TENM3: variants seen among roughly 807,000 people sequenced by gnomAD.
TENM3 encodes the protein teneurin transmembrane protein 3, also known as teneurin-3.
Under a neutral mutation model 255.1 loss-of-function variants are expected in TENM3, and 63 were observed. That is an observed-to-expected ratio of 0.25 (90% CI 0.20 to 0.30). The LOEUF (loss-of-function observed/expected upper bound fraction) is 0.30, where lower values mean the gene tolerates loss of function less well. Ranked by LOEUF, TENM3 falls within the 10% of genes least tolerant of loss-of-function variation. TENM3 has a pLI of 1.00. For missense variants in TENM3, 2,929 were observed against 3,461.1 expected, an observed-to-expected ratio of 0.85 and a Z score of 3.86; for synonymous variants, 1,306 against 1,322.3, an observed-to-expected ratio of 0.99 and a Z score of 0.27.
chr4:182,764,029 G>GAT (rs1256914215), intron 22 of TENM3, among the ~76,000 whole-genome samples: 1 of 152,224 alleles, frequency 6.6e-6, no homozygotes, highest in Non-Finnish European at 1.5e-5. Context: ...CACAAGCATA[G>GAT]GTAATCCCAT....
At chr4:182,361,513 G>A (rs1221164632) in intron 3 of TENM3, among the ~76,000 whole-genome samples, 14 of 151,948 alleles carry the variant, frequency 9.2e-5, no homozygotes, top group East Asian at 5.8e-4. Flanking sequence ...TGATCGCATC[G>A]GCTCCTGAGG....
At chr4:182,759,655 CT>C (rs1340934176) in intron 22 of TENM3, among the ~76,000 whole-genome samples, 1 of 152,142 alleles carries the variant, frequency 6.6e-6, no homozygotes, top group African/African-American at 2.4e-5. Context: ...ACACAGAAAA[CT>C]TTTCCCATGC....
chr4:182,747,329 CAG>C (rs1762077127), intron 19 of TENM3, among the ~76,000 whole-genome samples: 2 of 152,220 alleles, frequency 1.3e-5, no homozygotes, highest in South Asian at 4.2e-4. Context: ...TTTTAAAATT[CAG>C]AGAGTGTTCT....
the TENM3 span, among the ~76,000 whole-genome samples, chr4:181,700,684 G>A: frequency 6.6e-6 from 1 of 152,004 alleles, no homozygotes; most frequent in South Asian, 2.1e-4. Flanking sequence ...GCCATCTTTG[G>A]TCACACAAAA....
At chr4:182,094,255 T>A in the TENM3 span, among the ~76,000 whole-genome samples, 1 of 152,104 alleles carries the variant, frequency 6.6e-6, no homozygotes. Context: ...CTTTACTTTT[T>A]TTTTTTTTGA....
At chr4:181,530,576 G>A in the TENM3 span, among the ~76,000 whole-genome samples, 2 of 152,202 alleles carry the variant, frequency 1.3e-5, no homozygotes, top group African/African-American at 2.4e-5. Context: ...ATTGCTAACA[G>A]TCGTAGAATT....
chr4:181,587,992 G>T, the TENM3 span, among the ~76,000 whole-genome samples: 4 of 152,218 alleles, frequency 2.6e-5, no homozygotes, highest in South Asian at 4.1e-4. Flanking sequence ...CGTTGATTGT[G>T]GGGGGCAGGA....
At chr4:182,397,131 A>T (rs1768881140) in intron 3 of TENM3, among the ~76,000 whole-genome samples, 1 of 151,940 alleles carries the variant, frequency 6.6e-6, no homozygotes, top group African/African-American at 2.4e-5. Context: ...TAACTGTGTA[A>T]AAAAGGGAAA....
chr4:181,848,225 T>G, the TENM3 span, among the ~76,000 whole-genome samples: 43 of 152,336 alleles, frequency 2.8e-4, no homozygotes, highest in Non-Finnish European at 6.0e-4. Flanking sequence ...CTGTGAAACC[T>G]TAAGTTCACG....
intron 22 of TENM3, among the ~76,000 whole-genome samples, chr4:182,763,251 T>C (rs1444957569): frequency 1.3e-5 from 2 of 152,176 alleles, no homozygotes; most frequent in Non-Finnish European, 2.9e-5. Context: ...AAGAAAGATG[T>C]CATTCTGTTT....
At chr4:181,625,720 A>G in the TENM3 span, among the ~76,000 whole-genome samples, 1 of 152,138 alleles carries the variant, frequency 6.6e-6, no homozygotes, top group African/African-American at 2.4e-5. Context: ...AGACTGAAGA[A>G]GGAGAATGGC....
Position 182,256,832 on chromosome 4 carries a change from T to C in TENM3, c.-76+13356T>C, listed in dbSNP as rs111893363. On this transcript the variant is annotated intron_variant, in intron 1 of 27. Transcript: ENST00000511685. ...AATATAATGCCAAATTAAATGGAAA[T>C]AGTTGTAGGCCAAATTCTGTTGGAT... Among the ~76,000 whole-genome samples the C allele has an allele frequency of 4.1e-3, 618 of 152,214 alleles. 6 individuals carry two copies. The highest frequency in any genetic ancestry group is 6.1e-3 in the Non-Finnish European group (414 of 68,022).
At chr4:181,527,804 CT>C in the TENM3 span, among the ~76,000 whole-genome samples, 14 of 151,066 alleles carry the variant, frequency 9.3e-5, no homozygotes, top group Middle Eastern at 3.4e-3. Flanking sequence ...TGCTTGTAGT[CT>C]TTTTTTTCGT....
the TENM3 span, among the ~76,000 whole-genome samples, chr4:181,503,221 C>G: frequency 6.6e-6 from 1 of 152,038 alleles, no homozygotes; most frequent in Admixed American, 6.6e-5. Context: ...TAAAAAATAG[C>G]TGGGCATGCT....
At chr4:182,445,467 G>A (rs190224097) in intron 3 of TENM3, among the ~76,000 whole-genome samples, 1 of 152,260 alleles carries the variant, frequency 6.6e-6, no homozygotes, top group East Asian at 1.9e-4. Flanking sequence ...TTAATAATTA[G>A]CGGGAAAGGT....
At chr4:182,424,258 GA>G in intron 3 of TENM3, among the ~76,000 whole-genome samples, 1 of 152,024 alleles carries the variant, frequency 6.6e-6, no homozygotes, top group African/African-American at 2.4e-5. Context: ...AGCTCTTTTT[GA>G]AAAAGTGAAA....
chr4:182,628,097 G>A (rs185600514), intron 4 of TENM3, among the ~76,000 whole-genome samples: 15 of 152,218 alleles, frequency 9.9e-5, no homozygotes, highest in Non-Finnish European at 1.8e-4. Context: ...GCCTGTAACC[G>A]AACTTGTTTT....
At chr4:181,475,228 A>G in the TENM3 span, among the ~76,000 whole-genome samples, 1 of 152,082 alleles carries the variant, frequency 6.6e-6, no homozygotes, top group South Asian at 2.1e-4. Context: ...TGGTGTCTTT[A>G]TTTATTTGGG....
chr4:181,860,724 G>T, the TENM3 span, among the ~76,000 whole-genome samples: 6 of 152,136 alleles, frequency 3.9e-5, no homozygotes, highest in African/African-American at 1.2e-4. Context: ...TTTTATGGGG[G>T]CTCCGGGGTC....
Sources: gnomAD v4.1 joint callset for allele counts (sites outside exome capture counted in the v4.1 genomes callset) on GRCh38, gnomAD v4.1.1 for gene constraint, MANE v1.5 for transcripts, NCBI Gene and HGNC (gene_info 2026-07-23, HGNC 2026-07-21) for gene names.